The following ATXN3 variants were observed in gnomAD, a reference collection of about 807,000 sequenced individuals.
ATXN3 encodes ataxin 3.
A neutral mutation model predicts 58.2 loss-of-function variants in ATXN3; 28 were observed. The observed-to-expected ratio is 0.48, with a 90% CI of 0.36 to 0.66. The LOEUF is 0.66. Among genes scored for constraint, ATXN3 ranks in the 30% least tolerant of loss-of-function variants. The pLI is 0.00. For synonymous variants in ATXN3, 113 were observed against 138.5 expected, an observed-to-expected ratio of 0.82 and a Z score of 1.29; for missense variants, 321 against 422.1, an observed-to-expected ratio of 0.76 and a Z score of 2.10.
intron 9 of ATXN3, among the ~76,000 whole-genome samples, chr14:92,075,646 A>G (rs2060231467): frequency 6.6e-6 from 1 of 152,202 alleles, no homozygotes; most frequent in Admixed American, 6.5e-5. Context: ...ACCAGGGTCA[A>G]TTTGGGAAGG....
chr14:92,085,003 A>T (rs1306774063), intron 6 of ATXN3, among the ~76,000 whole-genome samples: 1 of 152,180 alleles, frequency 6.6e-6, no homozygotes, highest in Non-Finnish European at 1.5e-5. Context: ...ATTTTTTATG[A>T]GGACAACTGT....
At position 92,081,016 on chromosome 14, in the gene ATXN3, G is replaced by A. The variant is rs1382790154; in HGVS notation, c.821C>T (p.Thr274Ile). ...ISQDMTQTSG[T>I]NLTSEELRKR... ...CCGAAGCTCTTCTGAAGTAAGATTT[G>A]TACCTGATGTCTGTGTCATATCTTG... The change falls in exon 9 of 11, where the codon ACA (threonine) becomes ATA (isoleucine). Residue 274 changes from threonine (T) to isoleucine (I), a missense_variant. Around this residue, in one of 2 missense-constraint regions of ATXN3, gnomAD observed 200 missense variants for 223.2 expected, o/e 0.90. Coordinates refer to ENST00000644486, the MANE Select transcript of ATXN3 (RefSeq NM_004993.6). 2 of 1,612,588 alleles carry A rather than the reference G, an allele frequency of 1.2e-6. No homozygotes were observed. Among genetic ancestry groups the A allele is most frequent in the Non-Finnish European group, 1.7e-6 (2 of 1,179,166 alleles).
At chr14:92,105,287 G>T (rs2068009134) in intron 1 of ATXN3, among the ~76,000 whole-genome samples, 1 of 152,100 alleles carries the variant, frequency 6.6e-6, no homozygotes, top group Admixed American at 6.6e-5. Flanking sequence ...CTGGCGATAT[G>T]CACCTGTAGT....
rs2057958107 is a variant in ATXN3 at position 92,063,895 on chromosome 14, G to A, written c.*425C>T. ...AGATACTTTCCTGAAAGGTTAATTT[G>A]GTTAATAAGAAATGAAAGCCACTAT... On this transcript the variant is annotated 3_prime_UTR_variant, in exon 11 of 11. Coordinates refer to ENST00000644486, the MANE Select transcript of ATXN3 (RefSeq NM_004993.6). The A allele has an allele frequency of 6.4e-6, 1 of 155,718 alleles. No individual in the cohort carries two copies. The highest frequency in any genetic ancestry group is 1.4e-5 in the Non-Finnish European group (1 of 70,616). The allele number at this position is 155,718 out of a possible 1,614,324, so 9.6% of individuals were successfully genotyped here. A position where few individuals can be genotyped will look rare whatever the true frequency, so the allele number is the denominator to read the frequency against.
At position 92,066,090 on chromosome 14, in the gene ATXN3, TA is replaced by T. The variant is rs112122875; in HGVS notation, c.992-1677del. Among the ~76,000 whole-genome samples the T allele has an allele frequency of 4.1e-3, 586 of 143,112 alleles. 7 individuals carry two copies. Among genetic ancestry groups the T allele is most frequent in the African/African-American group, 0.014 (546 of 38,928 alleles). 93.9% of individuals were successfully genotyped at this position (143,112 alleles called of 152,430 possible). On this transcript the variant is annotated intron_variant, in intron 10 of 10. Transcript: ENST00000644486. ...TTACAGCACTTACGGAGTGTAATAC[TA>T]AAAAAAAAATAAATAAATTTCTGTT... is the stretch of plus-strand genomic sequence containing the variant.
intron 9 of ATXN3, 22 bp downstream of exon 9, chr14:92,080,943 T>C (rs2061363319): frequency 1.9e-6 from 3 of 1,552,780 alleles, no homozygotes; most frequent in Admixed American, 1.7e-5. Flanking sequence ...CATGCTACTT[T>C]AACTTGTACC....
chr14:92,049,970 G>A (rs1024897997), upstream of ATXN3, among the ~76,000 whole-genome samples: 8 of 152,172 alleles, frequency 5.3e-5, no homozygotes, highest in Admixed American at 4.6e-4. Context: ...AGGCAAGGAT[G>A]GCTAGTGCAG....
rs192112040 is a variant in ATXN3 at position 92,105,035 on chromosome 14, G to C, written c.24+1494C>G. 1.2e-3 allele frequency among the ~76,000 whole-genome samples: 188 copies of C among 152,122 alleles called. 4 individuals carry two copies. In the South Asian group the frequency reaches 0.026, roughly 21 times the overall value. On this transcript the variant is annotated intron_variant, in intron 1 of 10. Coordinates refer to ENST00000644486, the MANE Select transcript of ATXN3 (RefSeq NM_004993.6). Reference sequence around the variant, plus strand: ...TCATGTCAATCAAGTCAAAAAATTAGTGACAACTATACGACTGAGTCCTTC... The same window carrying C: ...TCATGTCAATCAAGTCAAAAAATTACTGACAACTATACGACTGAGTCCTTC...
chr14:92,047,197 G>T (rs1011652793), intron 2 of ATXN3, among the ~76,000 whole-genome samples: 1 of 152,204 alleles, frequency 6.6e-6, no homozygotes, highest in Non-Finnish European at 1.5e-5. Flanking sequence ...GCATCTGTGA[G>T]ATCAAGAACG....
intron 6 of ATXN3, among the ~76,000 whole-genome samples, chr14:92,087,341 C>T (rs2062813076): frequency 6.6e-6 from 1 of 152,182 alleles, no homozygotes; most frequent in Non-Finnish European, 1.5e-5. Flanking sequence ...GTCCCAGCTA[C>T]TCAACAGGCT....
chr14:92,106,458 G>C, intron 1 of ATXN3, 71 bp downstream of exon 1: 1 of 1,599,748 alleles, frequency 6.3e-7, no homozygotes, highest in Non-Finnish European at 8.6e-7. Context: ...AGCCCTCCGA[G>C]AGGCGGTGAT....
intron 1 of ATXN3, among the ~76,000 whole-genome samples, chr14:92,103,881 G>T (rs908905913): frequency 6.6e-6 from 1 of 152,162 alleles, no homozygotes; most frequent in Admixed American, 6.5e-5. Context: ...CCAGGACCTA[G>T]CAAGGGTTAA....
At chr14:92,096,623 CAAAA>C (rs376966269) in intron 2 of ATXN3, 47 bp downstream of exon 2, 2,602 of 1,232,684 alleles carry the variant, frequency 2.1e-3, no homozygotes, top group East Asian at 2.7e-3. Flanking sequence ...GACTCCGTCT[CAAAA>C]AAAAAAAAAA....
chr14:92,070,338 G>T (rs555565674), intron 10 of ATXN3, among the ~76,000 whole-genome samples: 2 of 152,242 alleles, frequency 1.3e-5, no homozygotes, highest in East Asian at 3.9e-4. Flanking sequence ...CCAGCACTTT[G>T]GGAGGCCGAG....
chr14:92,081,505 A>G (rs1379992264), intron 8 of ATXN3, among the ~76,000 whole-genome samples: 3 of 150,912 alleles, frequency 2.0e-5, no homozygotes, highest in Non-Finnish European at 3.0e-5. Flanking sequence ...AAAAAAAAAG[A>G]AAGAAATCTA....
At chr14:92,068,977 A>G (rs1033151150) in intron 10 of ATXN3, among the ~76,000 whole-genome samples, 4 of 152,112 alleles carry the variant, frequency 2.6e-5, no homozygotes, top group African/African-American at 9.7e-5. Flanking sequence ...TCCTTTTTTT[A>G]TTCAATTGTT....
intron 1 of ATXN3, among the ~76,000 whole-genome samples, chr14:92,101,871 T>C (rs2066887097): frequency 6.8e-6 from 1 of 147,032 alleles, no homozygotes; most frequent in African/African-American, 2.5e-5. Flanking sequence ...AAATAAAAAA[T>C]AGGCTGGGCG....
chr14:92,106,577 C>G lies in ATXN3; in HGVS notation c.-25G>C, dbSNP rs2068483994. 1 of 1,611,922 alleles carries G rather than the reference C, an allele frequency of 6.2e-7. No homozygotes were observed. The highest frequency in any genetic ancestry group is 2.2e-5 in the East Asian group (1 of 44,750). Reference sequence around the variant, plus strand: ...TGTTTATTTGTCTGGAGCCAACGGCCCCCACGCCGAACCACCCCCTCCAGC... The same window carrying G: ...TGTTTATTTGTCTGGAGCCAACGGCGCCCACGCCGAACCACCCCCTCCAGC... On this transcript the variant is annotated 5_prime_UTR_variant, in exon 1 of 11. Transcript: ENST00000644486.
downstream of ATXN3, among the ~76,000 whole-genome samples, chr14:92,056,038 G>A (rs553745759): frequency 1.3e-5 from 2 of 152,332 alleles, no homozygotes; most frequent in East Asian, 3.9e-4. Flanking sequence ...CCCCTGTGCA[G>A]AATTCAAACA....
Sources: allele counts gnomAD v4.1 joint callset (sites outside exome capture counted in the v4.1 genomes callset), GRCh38; gene constraint gnomAD v4.1.1; regional missense constraint gnomAD v4.1.1; transcripts MANE v1.5; gene names NCBI Gene and HGNC (gene_info 2026-07-23, HGNC 2026-07-21).